Variants in SCGB2B2 observed in about 807,000 individuals in gnomAD.
SCGB2B2 encodes the protein secretoglobin family 2B member 2, also known as secretoglobin-like protein.
A neutral mutation model predicts 7.6 loss-of-function variants in SCGB2B2; 11 were observed. That is an observed-to-expected ratio of 1.45 (90% CI 0.91 to 2.40). The LOEUF (loss-of-function observed/expected upper bound fraction) is 2.40. Ranked by LOEUF, SCGB2B2 falls within the 30% of genes most tolerant of loss-of-function variation. The probability of loss-of-function intolerance (pLI) is 0.00; values close to 1 mark genes in which losing one functional copy is unlikely to be tolerated. For synonymous variants in SCGB2B2, 50 were observed against 48.6 expected (o/e 1.03, Z -0.12); for missense variants, 104 against 115.4 (o/e 0.90, Z 0.45).
intron 1 of SCGB2B2, among the ~76,000 whole-genome samples, chr19:34,625,305 A>G (rs780694231): frequency 6.6e-6 from 1 of 152,166 alleles, no homozygotes; most frequent in Non-Finnish European, 1.5e-5. Context: ...CGAGTGTGAG[A>G]CGAAGCAGGG....
At chr19:34,648,762 T>A (rs1458315715) in intron 1 of SCGB2B2, among the ~76,000 whole-genome samples, 1 of 151,740 alleles carries the variant, frequency 6.6e-6, no homozygotes, top group Non-Finnish European at 1.5e-5. Flanking sequence ...AACTTCATAC[T>A]TTTTTGGTTA....
At chr19:34,602,651 A>G (rs1258931603) in intron 1 of SCGB2B2, among the ~76,000 whole-genome samples, 1 of 152,180 alleles carries the variant, frequency 6.6e-6, no homozygotes, top group Non-Finnish European at 1.5e-5. Context: ...TTAGGGCTAC[A>G]GGTTGACAGT....
At chr19:34,639,105 T>C (rs73042003) in intron 1 of SCGB2B2, among the ~76,000 whole-genome samples, 10,388 of 152,276 alleles carry the variant, frequency 0.068, 496 homozygotes, top group East Asian at 0.28. Flanking sequence ...GCCCCAATTA[T>C]TTCCTTTTCC....
At chr19:34,640,529 T>C (rs756798685) in intron 1 of SCGB2B2, 2 of 152,240 alleles carry the variant, frequency 1.3e-5, no homozygotes, top group Non-Finnish European at 2.9e-5. Context: ...AAGGTGGCTA[T>C]TTCTTTAGAT....
intron 1 of SCGB2B2, among the ~76,000 whole-genome samples, chr19:34,620,849 A>T (rs903880754): frequency 6.6e-6 from 1 of 152,206 alleles, no homozygotes; most frequent in Non-Finnish European, 1.5e-5. Context: ...AAAATACTTG[A>T]AATCAGTAAT....
At chr19:34,613,718 A>G (rs2065996173) in intron 1 of SCGB2B2, among the ~76,000 whole-genome samples, 1 of 152,082 alleles carries the variant, frequency 6.6e-6, no homozygotes, top group African/African-American at 2.4e-5. Context: ...CCCCACCCAT[A>G]AGTTTTACAC....
intron 1 of SCGB2B2, among the ~76,000 whole-genome samples, chr19:34,631,586 A>AC (rs397758922): frequency 3.3e-5 from 5 of 151,450 alleles, no homozygotes; most frequent in Non-Finnish European, 7.4e-5. Flanking sequence ...ATACACTGAA[A>AC]CTATAAAAGA....
At chr19:34,665,843 G>A (rs1326656752) in intron 1 of SCGB2B2, among the ~76,000 whole-genome samples, 8 of 152,056 alleles carry the variant, frequency 5.3e-5, no homozygotes, top group African/African-American at 1.2e-4. Flanking sequence ...TGGCCCTCTT[G>A]GCCCTCAGAG....
At chr19:34,588,609 G>A (rs2065231479), downstream of SCGB2B2, among the ~76,000 whole-genome samples, 1 of 152,202 alleles carries the variant, frequency 6.6e-6, no homozygotes, top group Admixed American at 6.5e-5. Context: ...CTCAGCCCCA[G>A]GGCTTGCCAC....
At chr19:34,619,271 G>GGT (rs2066174985) in intron 1 of SCGB2B2, among the ~76,000 whole-genome samples, 1 of 151,972 alleles carries the variant, frequency 6.6e-6, no homozygotes, top group Non-Finnish European at 1.5e-5. Context: ...GAGAGTGGGG[G>GGT]CTTTAAAACA....
chr19:34,603,966 T>A (rs544345796), intron 1 of SCGB2B2, among the ~76,000 whole-genome samples: 1 of 152,196 alleles, frequency 6.6e-6, no homozygotes, highest in Admixed American at 6.5e-5. Context: ...CTGAAGGGTC[T>A]TAGGGAGATC....
intron 1 of SCGB2B2, among the ~76,000 whole-genome samples, chr19:34,658,814 A>G (rs1568442170): frequency 9.8e-6 from 1 of 102,472 alleles, no homozygotes; most frequent in Non-Finnish European, 1.8e-5. Flanking sequence ...CAACAACAAC[A>G]AAAAAAAAAA....
At chr19:34,666,685 C>T (rs1600071947) in intron 1 of SCGB2B2, among the ~76,000 whole-genome samples, 2 of 152,176 alleles carry the variant, frequency 1.3e-5, no homozygotes, top group South Asian at 2.1e-4. Flanking sequence ...GAGAGGATTC[C>T]GCACCACCCC....
intron 1 of SCGB2B2, chr19:34,646,857 T>A (rs2067028557): frequency 6.6e-6 from 1 of 152,304 alleles, no homozygotes; most frequent in African/African-American, 2.4e-5. Context: ...ATGCAGTGTG[T>A]GACCAGGGTC....
intron 1 of SCGB2B2, among the ~76,000 whole-genome samples, chr19:34,619,938 T>C (rs1467331500): frequency 6.6e-6 from 1 of 152,206 alleles, no homozygotes; most frequent in African/African-American, 2.4e-5. Flanking sequence ...GTTACTTGGA[T>C]GAATAACCTT....
At chr19:34,622,799 TG>T (rs1459635291) in intron 1 of SCGB2B2, among the ~76,000 whole-genome samples, 1 of 152,170 alleles carries the variant, frequency 6.6e-6, no homozygotes, top group African/African-American at 2.4e-5. Flanking sequence ...AGGGGCTGCC[TG>T]AGTAATAAAC....
chr19:34,666,128 G>A (rs571264550), intron 1 of SCGB2B2, among the ~76,000 whole-genome samples: 27 of 152,178 alleles, frequency 1.8e-4, no homozygotes, highest in African/African-American at 6.5e-4. Flanking sequence ...CCCTTGGGGA[G>A]GGTCCCCAGA....
chr19:34,594,482 C>T (rs183518317), intron 2 of SCGB2B2, 21 bp downstream of exon 2: 4 of 1,613,482 alleles, frequency 2.5e-6, no homozygotes, highest in East Asian at 2.2e-5. Flanking sequence ...TTCCTCCCAG[C>T]CCTGCTCGCC....
intron 1 of SCGB2B2, among the ~76,000 whole-genome samples, chr19:34,644,274 T>A (rs1600062027): frequency 1.3e-5 from 2 of 151,632 alleles, no homozygotes; most frequent in Admixed American, 1.3e-4. Context: ...CCTCAAGAGA[T>A]CCTCCTGCCT....
Sources: allele counts gnomAD v4.1 joint callset (sites outside exome capture counted in the v4.1 genomes callset), GRCh38; gene constraint gnomAD v4.1.1; transcripts MANE v1.5; gene names NCBI Gene and HGNC (gene_info 2026-07-23, HGNC 2026-07-21).